RAB27B: variants seen among roughly 807,000 people sequenced by gnomAD.
RAB27B encodes the protein ras-related protein Rab-27B.
A neutral mutation model predicts 24.6 loss-of-function variants in RAB27B; 15 were observed. That is an observed-to-expected ratio of 0.61 (90% CI 0.41 to 0.94). RAB27B has a LOEUF of 0.94. Ranked by LOEUF, RAB27B falls within the 40% of genes least tolerant of loss-of-function variation. The probability of loss-of-function intolerance (pLI) is 0.00; values close to 1 mark genes in which losing one functional copy is unlikely to be tolerated. For synonymous variants in RAB27B, 105 were observed against 92.5 expected (o/e 1.14, Z -0.78); for missense variants, 261 against 266.8 (o/e 0.98, Z 0.15).
chr18:54,758,120 C>T (rs1908066110), intron 2 of RAB27B, among the ~76,000 whole-genome samples: 1 of 151,972 alleles, frequency 6.6e-6, no homozygotes, highest in African/African-American at 2.4e-5. Context: ...ATTTTCTAGA[C>T]AATGTGTTGC....
At chr18:54,724,976 T>C (rs961350228) in intron 2 of RAB27B, among the ~76,000 whole-genome samples, 2 of 151,536 alleles carry the variant, frequency 1.3e-5, no homozygotes, top group Admixed American at 6.6e-5. Flanking sequence ...ACTTGTACTT[T>C]AGGGCGCAGT....
chr18:54,863,843 C>A (rs1163257439), intron 1 of RAB27B, among the ~76,000 whole-genome samples: 1 of 152,258 alleles, frequency 6.6e-6, no homozygotes, highest in Non-Finnish European at 1.5e-5. Flanking sequence ...TATGTATAAG[C>A]ACTTCATTCC....
intron 2 of RAB27B, among the ~76,000 whole-genome samples, chr18:54,803,888 G>A (rs1419874747): frequency 6.6e-6 from 1 of 152,160 alleles, no homozygotes; most frequent in Non-Finnish European, 1.5e-5. Context: ...GGAATTTCTA[G>A]TGGTGAAATC....
chr18:54,758,424 TA>T (rs1279980077), intron 2 of RAB27B, among the ~76,000 whole-genome samples: 1 of 152,154 alleles, frequency 6.6e-6, no homozygotes, highest in African/African-American at 2.4e-5. Context: ...AGCATCCAAA[TA>T]AATGCAGTAC....
At chr18:54,854,530 A>G (rs1911707709) in intron 1 of RAB27B, among the ~76,000 whole-genome samples, 1 of 152,224 alleles carries the variant, frequency 6.6e-6, no homozygotes, top group Admixed American at 6.5e-5. Flanking sequence ...GAGATTAAAC[A>G]TAACCTTTAT....
intron 2 of RAB27B, among the ~76,000 whole-genome samples, chr18:54,811,439 G>A (rs1259305592): frequency 1.3e-5 from 2 of 152,174 alleles, no homozygotes; most frequent in Admixed American, 6.6e-5. Context: ...CCAGGTCATA[G>A]GTAGATAAGA....
intron 2 of RAB27B, among the ~76,000 whole-genome samples, chr18:54,823,185 C>T (rs1470052794): frequency 6.6e-6 from 1 of 152,184 alleles, no homozygotes; most frequent in Non-Finnish European, 1.5e-5. Flanking sequence ...GTTACATATT[C>T]GTTGTGAAGA....
intron 2 of RAB27B, among the ~76,000 whole-genome samples, chr18:54,801,666 C>T (rs1257353681): frequency 6.6e-6 from 1 of 152,178 alleles, no homozygotes; most frequent in Non-Finnish European, 1.5e-5. Flanking sequence ...ACATCTCTGG[C>T]TTTTACCCAC....
At chr18:54,805,196 C>G (rs1598917551) in intron 2 of RAB27B, among the ~76,000 whole-genome samples, 1 of 151,960 alleles carries the variant, frequency 6.6e-6, no homozygotes, top group Non-Finnish European at 1.5e-5. Context: ...ACACTCAGCT[C>G]TGGTTGGCAT....
In RAB27B at chr18:54,777,263, ATAAT is replaced by A. The variant is rs1908746291; in HGVS notation, c.-20+59126_-20+59129del. On this transcript the variant is annotated intron_variant, in intron 2 of 4. Coordinates refer to the RAB27B transcript ENST00000586570. Reference sequence around the variant, plus strand: ...CAAAGAAGGGCATCAAGAATGGTAAATAATTAACAGTGAGTGAGAAGGAAGAGAA... The same window carrying A: ...CAAAGAAGGGCATCAAGAATGGTAAATAACAGTGAGTGAGAAGGAAGAGAA... Among the ~76,000 whole-genome samples the A allele has an allele frequency of 4.6e-5, 7 of 152,350 alleles. No homozygotes were observed. The South Asian group carries it at 1.5e-3, about 32-fold the overall frequency.
intron 1 of RAB27B, among the ~76,000 whole-genome samples, chr18:54,846,393 G>T (rs1314722974): frequency 6.6e-6 from 1 of 152,234 alleles, no homozygotes; most frequent in East Asian, 1.9e-4. Context: ...CTAATTCAGT[G>T]TTTGTAGCAA....
intron 2 of RAB27B, among the ~76,000 whole-genome samples, chr18:54,733,650 G>GCCCCC (rs557873086): frequency 2.2e-5 from 2 of 92,242 alleles, no homozygotes; most frequent in Non-Finnish European, 4.5e-5. Flanking sequence ...CTGTTCTAGA[G>GCCCCC]CCCCCCCCCC....
chr18:54,755,110 C>CT (rs1372489254), intron 2 of RAB27B, among the ~76,000 whole-genome samples: 1 of 152,150 alleles, frequency 6.6e-6, no homozygotes, highest in Non-Finnish European at 1.5e-5. Context: ...TCACTTAAGG[C>CT]TGGGCACAGT....
At chr18:54,836,879 TA>T (rs1910915875) in intron 1 of RAB27B, among the ~76,000 whole-genome samples, 1 of 150,100 alleles carries the variant, frequency 6.7e-6, no homozygotes, top group Non-Finnish European at 1.5e-5. Context: ...TTATAAACAT[TA>T]GGAAAAATGT....
At chr18:54,744,918 G>A (rs757712375) in intron 2 of RAB27B, 1 of 211,458 alleles carries the variant, frequency 4.7e-6, no homozygotes, top group Non-Finnish European at 1.0e-5. Flanking sequence ...CCTGGGAGAA[G>A]CTTCTGCTGG....
intron 2 of RAB27B, among the ~76,000 whole-genome samples, chr18:54,796,017 G>T (rs2145120484): frequency 6.6e-6 from 1 of 152,242 alleles, no homozygotes; most frequent in East Asian, 1.9e-4. Context: ...CACCCCCAAA[G>T]TTTCCTTGTG....
chr18:54,860,746 G>T (rs1349264516), intron 1 of RAB27B, among the ~76,000 whole-genome samples: 3 of 152,320 alleles, frequency 2.0e-5, no homozygotes, highest in East Asian at 1.9e-4. Flanking sequence ...CAGAAGGAAA[G>T]TTCCAAGTCA....
chr18:54,724,660 G>A (rs960097660), intron 2 of RAB27B, among the ~76,000 whole-genome samples: 4 of 151,374 alleles, frequency 2.6e-5, no homozygotes, highest in Non-Finnish European at 3.0e-5. Flanking sequence ...AGATCACACC[G>A]CTGCATTCTA....
At chr18:54,850,502 G>C (rs1022731619) in intron 1 of RAB27B, among the ~76,000 whole-genome samples, 3 of 150,920 alleles carry the variant, frequency 2.0e-5, no homozygotes, top group Non-Finnish European at 4.4e-5. Context: ...AAATAGCTGG[G>C]ACTACAGGTG....
Sources: allele counts gnomAD v4.1 joint callset (sites outside exome capture counted in the v4.1 genomes callset), GRCh38; gene constraint gnomAD v4.1.1; transcripts MANE v1.5; gene names NCBI Gene and HGNC (gene_info 2026-07-23, HGNC 2026-07-21).